Variants in CLYBL observed in about 807,000 individuals in gnomAD.
The protein encoded by CLYBL is citramalyl-CoA lyase, also known as citramalyl-CoA lyase, mitochondrial.
A neutral mutation model predicts 38.9 loss-of-function variants in CLYBL; 31 were observed. The ratio of observed to expected loss-of-function variants is 0.80; its 90% CI spans 0.60 to 1.08. The LOEUF (loss-of-function observed/expected upper bound fraction) is 1.08. Among genes scored for constraint, CLYBL ranks in the 50% least tolerant of loss-of-function variants. CLYBL has a pLI of 0.00. For missense variants in CLYBL, 434 were observed against 411.6 expected (o/e 1.05, Z -0.47); for synonymous variants, 171 against 158.6 (o/e 1.08, Z -0.59).
downstream of CLYBL, among the ~76,000 whole-genome samples, chr13:99,899,841 T>C (rs2052621362): frequency 6.6e-6 from 1 of 152,174 alleles, no homozygotes; most frequent in South Asian, 2.1e-4. Flanking sequence ...CTGCGCACAG[T>C]AGAGTTTGGG....
chr13:99,885,383 T>C (rs774697230), intron 7 of CLYBL, among the ~76,000 whole-genome samples: 35 of 151,944 alleles, frequency 2.3e-4, no homozygotes, highest in Admixed American at 2.0e-4. Flanking sequence ...TGTGTTGGGG[T>C]ACAGGCCTCA....
chr13:99,714,638 TAATAAA>T (rs2048285074), intron 1 of CLYBL, among the ~76,000 whole-genome samples: 1 of 147,156 alleles, frequency 6.8e-6, no homozygotes, highest in African/African-American at 2.5e-5. Flanking sequence ...AATAAATAAA[TAATAAA>T]AATAAAAATG....
intron 1 of CLYBL, among the ~76,000 whole-genome samples, chr13:99,660,702 T>C (rs1039866104): frequency 4.6e-5 from 7 of 152,254 alleles, no homozygotes; most frequent in Non-Finnish European, 1.0e-4. Context: ...TTCTAAAAGC[T>C]ATGTATCCCG....
At chr13:99,874,085 A>G (rs1426983660) in intron 7 of CLYBL, among the ~76,000 whole-genome samples, 3 of 152,218 alleles carry the variant, frequency 2.0e-5, no homozygotes, top group Non-Finnish European at 2.9e-5. Flanking sequence ...ACCGTAGTCC[A>G]GTAATCAGAG....
At chr13:99,837,724 C>T (rs995031423) in intron 2 of CLYBL, among the ~76,000 whole-genome samples, 1 of 152,146 alleles carries the variant, frequency 6.6e-6, no homozygotes, top group Non-Finnish European at 1.5e-5. Context: ...GCCCAATAGG[C>T]GAGGCATTTA....
At chr13:99,780,676 G>A (rs1414128288) in intron 2 of CLYBL, among the ~76,000 whole-genome samples, 2 of 142,968 alleles carry the variant, frequency 1.4e-5, no homozygotes, top group Non-Finnish European at 3.1e-5. Flanking sequence ...ATGCCCAGCC[G>A]ACAATTTCTC....
chr13:99,615,273 G>T (rs963838424), intron 1 of CLYBL, among the ~76,000 whole-genome samples: 60 of 152,198 alleles, frequency 3.9e-4, no homozygotes, highest in African/African-American at 1.4e-3. Context: ...ACTAAATGTG[G>T]TGGTGGCCAC....
At chr13:99,622,323 A>G (rs1231132202) in intron 1 of CLYBL, among the ~76,000 whole-genome samples, 14 of 152,360 alleles carry the variant, frequency 9.2e-5, no homozygotes, top group Middle Eastern at 6.8e-3. Context: ...CTGCATACCC[A>G]TCCACTGTTA....
intron 1 of CLYBL, among the ~76,000 whole-genome samples, chr13:99,739,269 C>T (rs1194957526): frequency 6.6e-6 from 1 of 152,052 alleles, no homozygotes; most frequent in Non-Finnish European, 1.5e-5. Flanking sequence ...TTAGACACAC[C>T]GTGTGAACTT....
At chr13:99,831,706 A>G (rs1232321238) in intron 2 of CLYBL, among the ~76,000 whole-genome samples, 2 of 151,514 alleles carry the variant, frequency 1.3e-5, no homozygotes, top group Non-Finnish European at 2.9e-5. Flanking sequence ...TCTTGAGTGA[A>G]CCACCATTTT....
intron 2 of CLYBL, among the ~76,000 whole-genome samples, chr13:99,814,967 C>T (rs953378378): frequency 2.0e-5 from 3 of 152,070 alleles, no homozygotes; most frequent in South Asian, 4.1e-4. Flanking sequence ...GTCAAGACTG[C>T]GGTGAGCCAT....
intron 2 of CLYBL, among the ~76,000 whole-genome samples, chr13:99,856,745 TCTC>T (rs2051468330): frequency 1.3e-5 from 2 of 151,994 alleles, no homozygotes; most frequent in Admixed American, 1.3e-4. Flanking sequence ...TTCAAACGAT[TCTC>T]CTGCCTCAGC....
intron 1 of CLYBL, among the ~76,000 whole-genome samples, chr13:99,696,411 A>T (rs2047980192): frequency 6.6e-6 from 1 of 151,696 alleles, no homozygotes; most frequent in Admixed American, 6.6e-5. Flanking sequence ...TAGTTTTTTT[A>T]TAGAGACAGG....
intron 1 of CLYBL, among the ~76,000 whole-genome samples, chr13:99,694,973 A>T (rs1336773347): frequency 6.6e-6 from 1 of 152,132 alleles, no homozygotes; most frequent in African/African-American, 2.4e-5. Context: ...GTTAATCATC[A>T]TGGGGGCCTC....
chr13:99,808,246 A>C (rs2050271128), intron 2 of CLYBL, among the ~76,000 whole-genome samples: 1 of 152,020 alleles, frequency 6.6e-6, no homozygotes, highest in South Asian at 2.1e-4. Flanking sequence ...CCCCCACTCC[A>C]GGCTCATTTT....
At position 99,650,762 on chromosome 13, in the gene CLYBL, C is replaced by G. The variant is rs2047242478; in HGVS notation, c.62+44005C>G. On this transcript the variant is annotated intron_variant, in intron 1 of 8. Coordinates refer to ENST00000339105, the MANE Select transcript of CLYBL (RefSeq NM_206808.5). ...CCATTGTGGCTCTTTTTTTCTGGGA[C>G]TCTCCTCTCTCCTGTCCATCTTCCA... Among the ~76,000 whole-genome samples, 4 of 152,172 alleles carry G rather than the reference C, an allele frequency of 2.6e-5. 1 individual carries two copies. The South Asian group carries it at 8.3e-4, about 32-fold the overall frequency.
At chr13:99,711,519 G>A (rs898824445) in intron 1 of CLYBL, among the ~76,000 whole-genome samples, 30 of 146,592 alleles carry the variant, frequency 2.0e-4, no homozygotes, top group African/African-American at 7.1e-4. Flanking sequence ...CGATTCTCCT[G>A]CCTCAGCCTC....
chr13:99,698,126 T>C (rs1207745535), intron 1 of CLYBL, among the ~76,000 whole-genome samples: 1 of 152,206 alleles, frequency 6.6e-6, no homozygotes, highest in Non-Finnish European at 1.5e-5. Context: ...ACAACACATA[T>C]GTGTTTTCAT....
At chr13:99,769,807 A>C (rs2049344167) in intron 1 of CLYBL, among the ~76,000 whole-genome samples, 1 of 152,200 alleles carries the variant, frequency 6.6e-6, no homozygotes, top group Admixed American at 6.5e-5. Context: ...CCTTAAGGTA[A>C]GGTCGGCTAC....
Sources: gnomAD v4.1 joint callset for allele counts (sites outside exome capture counted in the v4.1 genomes callset) on GRCh38, gnomAD v4.1.1 for gene constraint, MANE v1.5 for transcripts, NCBI Gene and HGNC (gene_info 2026-07-23, HGNC 2026-07-21) for gene names.